The following NPY2R variants were observed in gnomAD, a reference collection of about 807,000 sequenced individuals.
NPY2R encodes the protein neuropeptide Y receptor type 2.
Under a neutral mutation model 22.3 loss-of-function variants are expected in NPY2R, and 17 were observed. The ratio of observed to expected loss-of-function variants is 0.76; its 90% CI spans 0.52 to 1.14. The LOEUF (loss-of-function observed/expected upper bound fraction) is 1.14. Ranked by LOEUF, NPY2R falls within the 50% of genes most tolerant of loss-of-function variation. The probability of loss-of-function intolerance (pLI) is 0.00; values close to 1 mark genes in which losing one functional copy is unlikely to be tolerated. For missense variants in NPY2R, 424 were observed against 467.9 expected, an observed-to-expected ratio of 0.91 and a Z score of 0.87; for synonymous variants, 209 against 183.4, an observed-to-expected ratio of 1.14 and a Z score of -1.13.
At chr4:155,200,591 A>G in the NPY2R span, among the ~76,000 whole-genome samples, 1 of 152,096 alleles carries the variant, frequency 6.6e-6, no homozygotes, top group African/African-American at 2.4e-5. Flanking sequence ...TAGTAAAGAC[A>G]TGGAACCAAC....
the NPY2R span, among the ~76,000 whole-genome samples, chr4:155,184,575 A>G: frequency 0.052 from 7,842 of 152,164 alleles, 242 homozygotes; most frequent in Middle Eastern, 0.095. Flanking sequence ...ACCAGGAATG[A>G]CCCATGAAGC....
chr4:155,212,724 G>A (rs1206952505), intron 1 of NPY2R, among the ~76,000 whole-genome samples: 1 of 152,194 alleles, frequency 6.6e-6, no homozygotes, highest in East Asian at 1.9e-4. Flanking sequence ...CAATGTTGTA[G>A]AAACGATGAG....
the NPY2R span, among the ~76,000 whole-genome samples, chr4:155,191,042 T>C: frequency 6.6e-6 from 1 of 151,956 alleles, no homozygotes; most frequent in Non-Finnish European, 1.5e-5. Context: ...GTTTTGAAGT[T>C]ATCTATTTCA....
chr4:155,213,005 A>G (rs1246269162), intron 1 of NPY2R, among the ~76,000 whole-genome samples: 1 of 152,226 alleles, frequency 6.6e-6, no homozygotes, highest in African/African-American at 2.4e-5. Flanking sequence ...GCTGGAGACC[A>G]TTATTCTAAG....
chr4:155,205,685 G>T (rs1729269205), upstream of NPY2R, among the ~76,000 whole-genome samples: 1 of 152,104 alleles, frequency 6.6e-6, no homozygotes, highest in South Asian at 2.1e-4. Context: ...ATTGAGAAAT[G>T]GTCTATGGGG....
chr4:155,184,529 C>T, the NPY2R span, among the ~76,000 whole-genome samples: 4 of 152,172 alleles, frequency 2.6e-5, no homozygotes, highest in Non-Finnish European at 5.9e-5. Flanking sequence ...GTGGATTTCT[C>T]TGTCCTAGAG....
rs187332874 is a variant in NPY2R, at chr4:155,213,291, T to A, written c.-48-601T>A. Reference sequence around the variant, plus strand: ...CCCAAAAGCTATTGAAATTAAATTTTAAAAAAGTAACTCTTCTATATATTT... The same window carrying A: ...CCCAAAAGCTATTGAAATTAAATTTAAAAAAAGTAACTCTTCTATATATTT... On this transcript the variant is annotated intron_variant, in intron 1 of 1. Transcript: ENST00000329476. 6.7e-3 allele frequency among the ~76,000 whole-genome samples: 1,013 copies of A among 152,294 alleles called. 15 individuals carry two copies. Among genetic ancestry groups the A allele is most frequent in the African/African-American group, 0.023 (975 of 41,564 alleles).
At chr4:155,205,804 G>GCTATCTATCTAT (rs3836609), upstream of NPY2R, among the ~76,000 whole-genome samples, 1,223 of 147,022 alleles carry the variant, frequency 8.3e-3, 7 homozygotes, top group Admixed American at 0.011. Flanking sequence ...GAGTCAGGCT[G>GCTATCTATCTAT]CTATCTATCT....
chr4:155,198,361 G>A, the NPY2R span, among the ~76,000 whole-genome samples: 4 of 150,594 alleles, frequency 2.7e-5, no homozygotes, highest in African/African-American at 9.7e-5. Context: ...CCCTTTTTCA[G>A]TGGAGTCAAA....
the NPY2R span, among the ~76,000 whole-genome samples, chr4:155,188,762 T>C: frequency 6.6e-6 from 1 of 152,054 alleles, no homozygotes; most frequent in Non-Finnish European, 1.5e-5. Flanking sequence ...CCATCTGATC[T>C]TTGAAGCTGA....
the NPY2R span, among the ~76,000 whole-genome samples, chr4:155,201,970 G>T: frequency 6.6e-6 from 1 of 152,016 alleles, no homozygotes; most frequent in Non-Finnish European, 1.5e-5. Context: ...TTGTTGTTGT[G>T]CCGGTTCCCT....
At chr4:155,191,002 A>T in the NPY2R span, among the ~76,000 whole-genome samples, 17,754 of 151,916 alleles carry the variant, frequency 0.12, 1,347 homozygotes, top group African/African-American at 0.21. Flanking sequence ...TTGTTTCTTA[A>T]TTATCACAGA....
Position 155,214,711 on chromosome 4 carries a change from C to T in NPY2R, c.772C>T (p.His258Tyr), listed in dbSNP as rs1435941045. The T allele has an allele frequency of 2.5e-6, 4 of 1,614,178 alleles. No homozygotes were observed. Among genetic ancestry groups the T allele is most frequent in the Non-Finnish European group, 3.4e-6 (4 of 1,180,032 alleles). ...NHVSPGAAND[H>Y]YHQRRQKTTK... ...TGTCAGTCCTGGAGCTGCAAATGAC[C>T]ACTACCATCAGCGAAGGCAAAAAAC... Residue 258 changes from histidine (H) to tyrosine (Y), a missense_variant, in exon 2 of 2, where the codon CAC becomes TAC. Transcript: ENST00000329476.
rs1310873828 is a variant in NPY2R, at chr4:155,214,342, C to A, written c.403C>A (p.Gln135Lys). 6.2e-7 allele frequency: 1 copy of A among 1,614,118 alleles called. No individual in the cohort carries two copies. Among genetic ancestry groups the A allele is most frequent in the East Asian group, 2.2e-5 (1 of 44,870 alleles). Reference protein sequence around the residue: ...LVPYAQGLAVQVSTITLTVIA... With the variant: ...LVPYAQGLAVKVSTITLTVIA... ...GCCCTATGCCCAGGGCCTGGCAGTA[C>A]AAGTATCCACAATCACCTTGACAGT... Residue 135 changes from glutamine to lysine, a missense_variant, in exon 2 of 2, where the codon CAA becomes AAA. Gln to Lys is a moderately conservative substitution (Grantham distance 53). Coordinates refer to ENST00000329476, the MANE Select transcript of NPY2R (RefSeq NM_000910.4).
At chr4:155,213,833 T>C in intron 1 of NPY2R, 59 bp from the exon 2 acceptor site, 1 of 952,752 alleles carries the variant, frequency 1.0e-6, no homozygotes, top group Non-Finnish European at 1.7e-6. Flanking sequence ...CTTTGTGTTT[T>C]CCTCGTTCCA....
chr4:155,214,578 C>T lies in NPY2R; in HGVS notation c.639C>T (p.Ser213=), dbSNP rs1402216038. The T allele has an allele frequency of 1.2e-6, 2 of 1,614,078 alleles. No homozygotes were observed. Among genetic ancestry groups the T allele is most frequent in the African/African-American group, 2.7e-5 (2 of 74,934 alleles). ...AAAAGTGGCCTGGCGAGGAGAAGAG[C>T]ATCTATGGCACTGTCTATAGTCTTT... ...CTEKWPGEEK[S]IYGTVYSLSS... The change falls in exon 2 of 2, where the codon AGC becomes AGT. Residue 213 remains serine (S), a synonymous_variant. Coordinates refer to ENST00000329476, the MANE Select transcript of NPY2R (RefSeq NM_000910.4).
the NPY2R span, among the ~76,000 whole-genome samples, chr4:155,201,427 C>T: frequency 2.0e-5 from 3 of 152,158 alleles, no homozygotes; most frequent in African/African-American, 7.2e-5. Context: ...CAACTCAGCT[C>T]AGGAGCCAGG....
chr4:155,178,110 C>T, the NPY2R span, among the ~76,000 whole-genome samples: 1 of 152,162 alleles, frequency 6.6e-6, no homozygotes, highest in African/African-American at 2.4e-5. Context: ...CCCCTCCCAC[C>T]AAGCTAAGGC....
the NPY2R span, among the ~76,000 whole-genome samples, chr4:155,198,951 G>A: frequency 6.6e-6 from 1 of 151,904 alleles, no homozygotes; most frequent in Non-Finnish European, 1.5e-5. Context: ...ACCTTGCATT[G>A]TGTTCTTGCC....
Sources: allele counts gnomAD v4.1 joint callset (sites outside exome capture counted in the v4.1 genomes callset), GRCh38; gene constraint gnomAD v4.1.1; transcripts MANE v1.5; gene names NCBI Gene and HGNC (gene_info 2026-07-23, HGNC 2026-07-21).